Variants in RIMS1 observed in about 807,000 individuals in gnomAD.
RIMS1 encodes the protein regulating synaptic membrane exocytosis protein 1.
In RIMS1, 83 loss-of-function variants were observed where a neutral mutation model predicts 214.1. That is an observed-to-expected ratio of 0.39 (90% confidence interval 0.32 to 0.47). RIMS1 has a LOEUF of 0.47. RIMS1 is among the 20% of genes least tolerant of loss of function. The pLI is 0.99. For synonymous variants in RIMS1, 793 were observed against 786.8 expected (o/e 1.01, Z -0.13); for missense variants, 2,050 against 2,161.8 (o/e 0.95, Z 1.03).
chr6:72,068,295 T>A (rs541887570), intron 2 of RIMS1, among the ~76,000 whole-genome samples: 10 of 152,388 alleles, frequency 6.6e-5, no homozygotes, highest in South Asian at 4.1e-4. Context: ...AGCTTTTTTT[T>A]ATTGATTTTC....
chr6:71,888,989 A>G (rs757785158), intron 1 of RIMS1, among the ~76,000 whole-genome samples: 1 of 152,190 alleles, frequency 6.6e-6, no homozygotes, highest in Non-Finnish European at 1.5e-5. Flanking sequence ...TCTGGTTGTC[A>G]GTCCGTCTGT....
chr6:72,246,786 TA>T (rs2154125056), intron 11 of RIMS1, among the ~76,000 whole-genome samples: 1 of 152,288 alleles, frequency 6.6e-6, no homozygotes, highest in East Asian at 1.9e-4. Flanking sequence ...TTGATATGAT[TA>T]AAAAATACAC....
At chr6:72,065,343 T>C (rs1389945820) in intron 2 of RIMS1, among the ~76,000 whole-genome samples, 1 of 152,208 alleles carries the variant, frequency 6.6e-6, no homozygotes, top group Non-Finnish European at 1.5e-5. Context: ...CATCGATATC[T>C]GCTGAAGACA....
intron 2 of RIMS1, among the ~76,000 whole-genome samples, chr6:72,003,039 A>C (rs1805852035): frequency 6.6e-6 from 1 of 152,206 alleles, no homozygotes; most frequent in Admixed American, 6.5e-5. Flanking sequence ...TCTCCAGAGC[A>C]GTCAGCTTAC....
At chr6:71,897,178 C>T (rs1297747924) in intron 1 of RIMS1, among the ~76,000 whole-genome samples, 3 of 152,114 alleles carry the variant, frequency 2.0e-5, no homozygotes, top group Non-Finnish European at 4.4e-5. Context: ...TTTTAAATGT[C>T]TGTCTTATTT....
At chr6:72,031,756 T>C (rs985980643) in intron 2 of RIMS1, among the ~76,000 whole-genome samples, 9 of 152,174 alleles carry the variant, frequency 5.9e-5, no homozygotes, top group African/African-American at 2.2e-4. Context: ...TCAACACCTA[T>C]TTATTTCTAT....
chr6:72,321,529 T>A (rs1464479173), intron 28 of RIMS1, among the ~76,000 whole-genome samples: 2 of 152,038 alleles, frequency 1.3e-5, no homozygotes, highest in Non-Finnish European at 2.9e-5. Flanking sequence ...AACAGAATAA[T>A]TATATGCTTT....
intron 1 of RIMS1, among the ~76,000 whole-genome samples, chr6:71,933,210 CTA>C (rs1783555326): frequency 6.6e-6 from 1 of 152,110 alleles, no homozygotes; most frequent in African/African-American, 2.4e-5. Flanking sequence ...ATTTCTGGGG[CTA>C]TGTCTGTTGT....
chr6:72,094,306 T>C (rs2030439859), intron 2 of RIMS1, among the ~76,000 whole-genome samples: 1 of 152,120 alleles, frequency 6.6e-6, no homozygotes, highest in African/African-American at 2.4e-5. Flanking sequence ...ATAGTAAAAA[T>C]ATTAAATGGT....
At chr6:72,049,399 A>G (rs1477369588) in intron 2 of RIMS1, among the ~76,000 whole-genome samples, 1 of 152,194 alleles carries the variant, frequency 6.6e-6, no homozygotes, top group African/African-American at 2.4e-5. Context: ...AGAAGCATCC[A>G]TCACAAATTG....
At chr6:72,016,606 G>A (rs1812836287) in intron 2 of RIMS1, among the ~76,000 whole-genome samples, 1 of 152,110 alleles carries the variant, frequency 6.6e-6, no homozygotes, top group Non-Finnish European at 1.5e-5. Flanking sequence ...AATTTCAAAA[G>A]TTCTCAAAAA....
chr6:72,169,706 C>G (rs1038191713), intron 4 of RIMS1, among the ~76,000 whole-genome samples: 4 of 152,082 alleles, frequency 2.6e-5, no homozygotes, highest in African/African-American at 9.7e-5. Context: ...GAGTTCAAGA[C>G]CAGCCTGGGC....
At chr6:72,212,516 TATA>T (rs1475763164) in intron 6 of RIMS1, among the ~76,000 whole-genome samples, 2 of 152,150 alleles carry the variant, frequency 1.3e-5, no homozygotes, top group South Asian at 4.1e-4. Flanking sequence ...AAATCAAAGA[TATA>T]ATAATAAGTG....
chr6:72,004,794 T>C (rs1479433331), intron 2 of RIMS1, among the ~76,000 whole-genome samples: 7 of 151,192 alleles, frequency 4.6e-5, no homozygotes, highest in South Asian at 2.1e-4. Context: ...GAGTAGGTTG[T>C]GAAAATTTTC....
At chr6:72,285,803 G>T (rs367703150) in intron 24 of RIMS1, among the ~76,000 whole-genome samples, 2 of 152,028 alleles carry the variant, frequency 1.3e-5, no homozygotes, top group East Asian at 1.9e-4. Flanking sequence ...ATCATTTTCA[G>T]CCCCCTCTAC....
At chr6:72,314,910 G>A (rs138946920) in intron 28 of RIMS1, among the ~76,000 whole-genome samples, 1 of 152,192 alleles carries the variant, frequency 6.6e-6, no homozygotes, top group African/African-American at 2.4e-5. Flanking sequence ...AGTACCTTGA[G>A]CCCTATGCTT....
chr6:71,920,187 T>C (rs1484519089), intron 1 of RIMS1, among the ~76,000 whole-genome samples: 1 of 152,210 alleles, frequency 6.6e-6, no homozygotes, highest in Admixed American at 6.5e-5. Context: ...AGAAGATTCA[T>C]TCACATTAGA....
chr6:71,972,067 C>T lies in RIMS1; in HGVS notation c.245+3004C>T, dbSNP rs553889937. ...GGATACATAGAAAAAAAAATAAGAGCGAGCCCTAGGTAAAAGCAATGTTTA... is the reference window on the plus strand; with the variant it reads ...GGATACATAGAAAAAAAAATAAGAGTGAGCCCTAGGTAAAAGCAATGTTTA... On this transcript the variant is annotated intron_variant, in intron 2 of 33. Coordinates refer to ENST00000521978, the MANE Select transcript of RIMS1 (RefSeq NM_014989.7). Among the ~76,000 whole-genome samples the T allele has an allele frequency of 3.3e-4, 50 of 152,042 alleles. No homozygotes were observed. The South Asian group carries it at 8.1e-3, about 25-fold the overall frequency.
At chr6:72,036,688 C>T (rs893010816) in intron 2 of RIMS1, among the ~76,000 whole-genome samples, 11 of 152,158 alleles carry the variant, frequency 7.2e-5, no homozygotes, top group Non-Finnish European at 2.9e-5. Context: ...CCTCACTGTG[C>T]ATGACATATA....
Sources: gnomAD v4.1 joint callset for allele counts (sites outside exome capture counted in the v4.1 genomes callset) on GRCh38, gnomAD v4.1.1 for gene constraint, MANE v1.5 for transcripts, NCBI Gene and HGNC (gene_info 2026-07-23, HGNC 2026-07-21) for gene names.